ATRNL1: variants seen among roughly 807,000 people sequenced by gnomAD.
ATRNL1 encodes the protein attractin-like protein 1.
In ATRNL1, 95 loss-of-function variants were observed where a neutral mutation model predicts 182.7. The observed-to-expected ratio is 0.52, with a 90% confidence interval of 0.44 to 0.62. The LOEUF is 0.62. ATRNL1 is among the 20% of genes least tolerant of loss of function. The probability of loss-of-function intolerance (pLI) is 0.00; values close to 1 mark genes in which losing one functional copy is unlikely to be tolerated. For missense variants in ATRNL1, 1,471 were observed against 1,679.5 expected (o/e 0.88, Z 2.17); for synonymous variants, 576 against 568.3 (o/e 1.01, Z -0.19).
At chr10:115,654,609 A>G (rs1205730417) in intron 26 of ATRNL1, among the ~76,000 whole-genome samples, 1 of 152,178 alleles carries the variant, frequency 6.6e-6, no homozygotes, top group Admixed American at 6.5e-5. Flanking sequence ...TTGAGTAAAA[A>G]TTGTAATTCC....
intron 26 of ATRNL1, among the ~76,000 whole-genome samples, chr10:115,655,610 A>G (rs1298923447): frequency 2.0e-5 from 3 of 152,212 alleles, no homozygotes; most frequent in Admixed American, 1.3e-4. Context: ...GGGCAAGCCC[A>G]GTCCTCTGAG....
At chr10:115,396,465 A>C (rs2134286426) in intron 20 of ATRNL1, among the ~76,000 whole-genome samples, 1 of 152,100 alleles carries the variant, frequency 6.6e-6, no homozygotes, top group East Asian at 1.9e-4. Flanking sequence ...TGAAATTCTT[A>C]ATAACTTTTA....
chr10:115,208,441 C>T (rs1436609250), intron 8 of ATRNL1, among the ~76,000 whole-genome samples: 1 of 151,792 alleles, frequency 6.6e-6, no homozygotes, highest in Non-Finnish European at 1.5e-5. Flanking sequence ...TTGTTGTATT[C>T]CTTTAAGGGG....
chr10:115,230,725 A>C (rs1554899743), intron 9 of ATRNL1, among the ~76,000 whole-genome samples: 2 of 152,098 alleles, frequency 1.3e-5, no homozygotes, highest in African/African-American at 4.8e-5. Context: ...TTAGGAGGCT[A>C]TTTTAATGAT....
At position 115,782,949 on chromosome 10, in the gene ATRNL1, A is replaced by G. The variant is rs1209577938; in HGVS notation, c.3903+55594A>G. On this transcript the variant is annotated intron_variant, in intron 27 of 28. Transcript: ENST00000355044. ...CTGATCAAATATATTTGTTAGGAGC[A>G]TTTTTATTAATCAGTACACATGACT... Among the ~76,000 whole-genome samples the G allele has an allele frequency of 2.0e-5, 3 of 152,318 alleles. No homozygotes were observed. The East Asian group carries it at 5.8e-4, about 29-fold the overall frequency.
At chr10:115,116,447 A>T (rs1311639605) in intron 1 of ATRNL1, among the ~76,000 whole-genome samples, 2 of 152,078 alleles carry the variant, frequency 1.3e-5, no homozygotes, top group Non-Finnish European at 2.9e-5. Flanking sequence ...AAGAAGTAAA[A>T]AAAAATAAAT....
At chr10:115,838,865 C>T (rs554405980) in intron 27 of ATRNL1, among the ~76,000 whole-genome samples, 28 of 152,188 alleles carry the variant, frequency 1.8e-4, no homozygotes, top group Admixed American at 1.2e-3. Context: ...TGGGAAAACT[C>T]TGTAATCCAG....
At chr10:115,409,021 C>T (rs1845002413) in intron 20 of ATRNL1, among the ~76,000 whole-genome samples, 1 of 151,986 alleles carries the variant, frequency 6.6e-6, no homozygotes, top group Non-Finnish European at 1.5e-5. Context: ...CAGCTTTGTT[C>T]TTTTTTGCTC....
chr10:115,654,077 G>C (rs1189293776), intron 26 of ATRNL1, among the ~76,000 whole-genome samples: 1 of 152,092 alleles, frequency 6.6e-6, no homozygotes, highest in Non-Finnish European at 1.5e-5. Flanking sequence ...AATATAAGCA[G>C]TCTGAAATAT....
intron 28 of ATRNL1, among the ~76,000 whole-genome samples, chr10:115,889,222 T>C (rs1952021282): frequency 6.6e-6 from 1 of 152,126 alleles, no homozygotes; most frequent in African/African-American, 2.4e-5. Flanking sequence ...AGACAGCATC[T>C]CTCTCTTAGT....
At chr10:115,253,694 A>T (rs1554905955) in intron 10 of ATRNL1, among the ~76,000 whole-genome samples, 1 of 151,984 alleles carries the variant, frequency 6.6e-6, no homozygotes, top group East Asian at 1.9e-4. Context: ...GGTTTGCTGC[A>T]CCCATCAGCT....
intron 25 of ATRNL1, among the ~76,000 whole-genome samples, chr10:115,541,647 A>G (rs1852365268): frequency 6.6e-6 from 1 of 152,228 alleles, no homozygotes; most frequent in Non-Finnish European, 1.5e-5. Flanking sequence ...TACTCATATA[A>G]TGTGGAGCAA....
At chr10:115,120,012 G>A (rs1271745392) in intron 1 of ATRNL1, among the ~76,000 whole-genome samples, 173 bp from the exon 2 acceptor site, 2 of 152,030 alleles carry the variant, frequency 1.3e-5, no homozygotes, top group Non-Finnish European at 2.9e-5. Flanking sequence ...CTTTTGAGAT[G>A]CAGAGAAAAA....
chr10:115,730,253 C>CAAAAAAAAAAAA (rs535690432), intron 27 of ATRNL1, among the ~76,000 whole-genome samples: 1 of 61,418 alleles, frequency 1.6e-5, no homozygotes, highest in African/African-American at 6.4e-5. Context: ...TAGGACTCCT[C>CAAAAAAAAAAAA]AAAAAAAAAA....
rs569959503 is a variant in ATRNL1 at position 115,767,509 on chromosome 10, T to C, written c.3903+40154T>C. ...GTGATTATAAGCTGAGAGTCCCCTG[T>C]TGAGTGCCACATCAAATCCAAATTA... On this transcript the variant is annotated intron_variant, in intron 27 of 28. Coordinates refer to ENST00000355044, the MANE Select transcript of ATRNL1 (RefSeq NM_207303.4). 2.6e-5 allele frequency among the ~76,000 whole-genome samples: 4 copies of C among 152,280 alleles called. No homozygotes were observed. The South Asian group carries it at 8.3e-4, about 32-fold the overall frequency.
At chr10:115,266,019 C>G (rs572392604) in intron 11 of ATRNL1, among the ~76,000 whole-genome samples, 9 of 151,842 alleles carry the variant, frequency 5.9e-5, no homozygotes, top group Non-Finnish European at 1.0e-4. Flanking sequence ...AAGTGGCTGT[C>G]CAAACAGTAA....
chr10:115,416,406 AATT>A lies in ATRNL1; in HGVS notation c.3270-9837_3270-9835del, dbSNP rs534381828. On this transcript the variant is annotated intron_variant, in intron 20 of 28. Transcript: ENST00000355044. Reference sequence around the variant, plus strand: ...TTAATACATTCAAAATTATTTCAAAAATTATTATTTGTTAATATAAACCACTTT... The same window carrying A: ...TTAATACATTCAAAATTATTTCAAAAATTATTTGTTAATATAAACCACTTT... Among the ~76,000 whole-genome samples, 473 of 152,290 alleles carry A rather than the reference AATT, an allele frequency of 3.1e-3. 2 individuals are homozygous for A. Among genetic ancestry groups the A allele is most frequent in the African/African-American group, 0.01 (436 of 41,578 alleles).
chr10:115,683,901 A>G (rs1225003611), intron 26 of ATRNL1, among the ~76,000 whole-genome samples: 2 of 151,844 alleles, frequency 1.3e-5, no homozygotes, highest in African/African-American at 4.8e-5. Context: ...AAGCAGAGAC[A>G]TAGCAAATAA....
chr10:115,919,944 G>A (rs145463042), intron 28 of ATRNL1, among the ~76,000 whole-genome samples: 22 of 152,186 alleles, frequency 1.4e-4, no homozygotes, highest in African/African-American at 5.3e-4. Context: ...CCGCCAAAAG[G>A]CACCACCTAC....
Sources: allele counts gnomAD v4.1 joint callset (sites outside exome capture counted in the v4.1 genomes callset), GRCh38; gene constraint gnomAD v4.1.1; transcripts MANE v1.5; gene names NCBI Gene and HGNC (gene_info 2026-07-23, HGNC 2026-07-21).